COQ8B: variants seen among roughly 807,000 people sequenced by gnomAD.
The protein encoded by COQ8B is atypical kinase COQ8B, mitochondrial.
A neutral mutation model predicts 62.0 loss-of-function variants in COQ8B; 44 were observed. The observed-to-expected ratio is 0.71, with a 90% confidence interval of 0.56 to 0.91. The LOEUF (loss-of-function observed/expected upper bound fraction) is 0.91. Among genes scored for constraint, COQ8B ranks in the 40% least tolerant of loss-of-function variants. COQ8B has a pLI of 0.00. For synonymous variants in COQ8B, 252 were observed against 289.9 expected (o/e 0.87, Z 1.33); for missense variants, 649 against 731.6 (o/e 0.89, Z 1.30).
chr19:40,713,397 A>G (rs1441909414), intron 4 of COQ8B, among the ~76,000 whole-genome samples: 1 of 151,946 alleles, frequency 6.6e-6, no homozygotes, highest in Admixed American at 6.6e-5. Context: ...AAATACAAAA[A>G]TTAGCCGGGT....
chr19:40,702,477 G>C, intron 10 of COQ8B, 123 bp downstream of exon 10: 1 of 901,744 alleles, frequency 1.1e-6, no homozygotes. Flanking sequence ...GATGAACAAT[G>C]ATTGAAAGAA....
At chr19:40,703,912 G>A (rs2082081197) in intron 7 of COQ8B, 57 bp from the exon 8 acceptor site, 4 of 1,546,808 alleles carry the variant, frequency 2.6e-6, no homozygotes, top group Non-Finnish European at 3.5e-6. Context: ...CCCAGGCTGA[G>A]TGCTTTACGT....
At chr19:40,695,847 G>T in intron 13 of COQ8B, 142 bp downstream of exon 13, 2 of 821,792 alleles carry the variant, frequency 2.4e-6, no homozygotes, top group East Asian at 2.5e-5. Context: ...TAAGTGCTTG[G>T]TGTGTGCTAG....
chr19:40,703,740 C>G lies in COQ8B; in HGVS notation c.692G>C (p.Gly231Ala). Reference sequence around the variant, plus strand: ...CTGGATCTTCACGGCCACCTCCGTCCCGTCCCTCAGCAGGCCCTGGTGCAC... The same window carrying G: ...CTGGATCTTCACGGCCACCTCCGTCGCGTCCCTCAGCAGGCCCTGGTGCAC... ...GQVHQGLLRDGTEVAVKIQYP... is the reference protein window; with the variant it reads ...GQVHQGLLRDATEVAVKIQYP... The change falls in exon 8 of 15, where the codon GGG becomes GCG. Residue 231 changes from glycine to alanine, a missense_variant. Gly to Ala is a moderately conservative substitution (Grantham distance 60). Coordinates refer to ENST00000324464, the MANE Select transcript of COQ8B (RefSeq NM_024876.4). 6.2e-7 allele frequency: 1 copy of G among 1,614,150 alleles called. No individual in the cohort carries two copies. Among genetic ancestry groups the G allele is most frequent in the South Asian group, 1.1e-5 (1 of 91,084 alleles).
At chr19:40,702,478 A>T (rs2082067593) in intron 10 of COQ8B, 122 bp downstream of exon 10, 1 of 907,122 alleles carries the variant, frequency 1.1e-6, no homozygotes. Context: ...ATGAACAATG[A>T]TTGAAAGAAA....
chr19:40,707,610 C>T (rs2144706791), intron 5 of COQ8B, among the ~76,000 whole-genome samples: 1 of 152,278 alleles, frequency 6.6e-6, no homozygotes, highest in African/African-American at 2.4e-5. Context: ...CCCACCACCA[C>T]ATCCAGCTAA....
At chr19:40,696,894 G>A (rs1049688531) in intron 12 of COQ8B, among the ~76,000 whole-genome samples, 9 of 152,106 alleles carry the variant, frequency 5.9e-5, no homozygotes, top group African/African-American at 9.7e-5. Context: ...ATTTACTGTC[G>A]TTCTCCTGCA....
chr19:40,705,017 C>CA (rs2082089132), intron 7 of COQ8B, 79 bp downstream of exon 7: 1 of 1,332,956 alleles, frequency 7.5e-7, no homozygotes, highest in Admixed American at 2.2e-5. Context: ...GGGAGTGGGG[C>CA]AGTGAAGCCA....
Position 40,705,322 on chromosome 19 carries a change from T to C in COQ8B, c.490+3A>G, listed in dbSNP as rs1342226393. 6.3e-7 allele frequency: 1 copy of C among 1,590,224 alleles called. No homozygotes were observed. The highest frequency in any genetic ancestry group is 2.3e-5 in the East Asian group (1 of 44,330). The stretch of plus-strand genomic sequence containing the variant: ...GGGTCAGGAGTCGAGGGTCATGCTG[T>C]ACCCTGGATGCTGAGCATCTGGCCA... On this transcript the variant is annotated splice_donor_region_variant and intron_variant, in intron 6 of 14. Coordinates refer to ENST00000324464, the MANE Select transcript of COQ8B (RefSeq NM_024876.4).
At chr19:40,704,043 G>T in intron 7 of COQ8B, 188 bp from the exon 8 acceptor site, 2 of 687,232 alleles carry the variant, frequency 2.9e-6, no homozygotes, top group Non-Finnish European at 4.7e-6. Context: ...GACTAGCCAG[G>T]CACTGGCAGA....
rs1421364985 is a variant in COQ8B, at chr19:40,700,178, G to A, written c.1036-4C>T. 1.2e-6 allele frequency: 2 copies of A among 1,614,212 alleles called. No individual in the cohort carries two copies. ...GCGTCAGGAGCTGGAAGCAAATCTGGGGTGGGGAGAATTAACAGGCATCTC... is the reference window on the plus strand; with the variant it reads ...GCGTCAGGAGCTGGAAGCAAATCTGAGGTGGGGAGAATTAACAGGCATCTC... On this transcript the variant is annotated splice_polypyrimidine_tract_variant and splice_region_variant and intron_variant, in intron 11 of 14. Transcript: ENST00000324464.
chr19:40,713,946 G>A, intron 4 of COQ8B, 121 bp downstream of exon 4: 2 of 1,089,452 alleles, frequency 1.8e-6, no homozygotes, highest in Middle Eastern at 2.1e-4. Flanking sequence ...CCTTGCCTTT[G>A]TCTCTCTTTT....
At chr19:40,714,494 C>T in intron 2 of COQ8B, 37 bp downstream of exon 2, 3 of 1,613,818 alleles carry the variant, frequency 1.9e-6, no homozygotes, top group Non-Finnish European at 2.5e-6. Context: ...TCTCCCTCAG[C>T]CTCTTCCCCT....
rs975735231 is a variant in COQ8B, at chr19:40,714,616, C to T, written c.17G>A (p.Gly6Glu). The part of the protein sequence containing the change: MWLKV[G>E]GLLRGTGGQL... ...TCCACCGGTCCCCCGAAGTAGGCCCCCCACCTTCAGCCACATTGCCTGGAG... is the reference window on the plus strand; with the variant it reads ...TCCACCGGTCCCCCGAAGTAGGCCCTCCACCTTCAGCCACATTGCCTGGAG... The change falls in exon 2 of 15, where the codon GGG (glycine) becomes GAG (glutamate). Residue 6 changes from glycine (G) to glutamate (E), a missense_variant. Gly to Glu is a moderately conservative substitution (Grantham distance 98). Transcript: ENST00000324464. The T allele has an allele frequency of 1.2e-6, 2 of 1,609,344 alleles. No individual in the cohort carries two copies. Among genetic ancestry groups the T allele is most frequent in the Admixed American group, 3.4e-5 (2 of 58,972 alleles).
intron 1 of COQ8B, among the ~76,000 whole-genome samples, chr19:40,716,121 G>A (rs1416833558): frequency 1.3e-5 from 2 of 152,028 alleles, no homozygotes; most frequent in Non-Finnish European, 2.9e-5. Flanking sequence ...TTCCCAACCT[G>A]TATGAGGTAC....
intron 5 of COQ8B, among the ~76,000 whole-genome samples, chr19:40,708,463 G>A (rs1239262431): frequency 6.6e-6 from 1 of 152,184 alleles, no homozygotes; most frequent in Non-Finnish European, 1.5e-5. Context: ...ATCACACCTG[G>A]AAGTAAGAAT....
At chr19:40,695,781 C>G (rs1215081588) in intron 13 of COQ8B, among the ~76,000 whole-genome samples, 3 of 152,172 alleles carry the variant, frequency 2.0e-5, no homozygotes, top group Non-Finnish European at 4.4e-5. Flanking sequence ...CATTGTGTTG[C>G]TGTGTGGTTT....
At position 40,703,737 on chromosome 19, in the gene COQ8B, G is replaced by T. The variant is rs370082401; in HGVS notation, c.695C>A (p.Thr232Lys). The T allele has an allele frequency of 5.0e-6, 8 of 1,613,912 alleles. No homozygotes were observed. The highest frequency in any genetic ancestry group is 5.1e-6 in the Non-Finnish European group (6 of 1,180,002). Residue 232 changes from threonine to lysine, a missense_variant, in exon 8 of 15, where the codon ACG becomes AAG. Transcript: ENST00000324464. ...QVHQGLLRDG[T>K]EVAVKIQYPG... ...CACCTGGATCTTCACGGCCACCTCC[G>T]TCCCGTCCCTCAGCAGGCCCTGGTG... is the stretch of plus-strand genomic sequence containing the variant.
In COQ8B at chr19:40,700,434, T is replaced by A; in HGVS notation, c.911A>T (p.Asp304Val). The A allele has an allele frequency of 6.2e-7, 1 of 1,613,300 alleles. No individual in the cohort carries two copies. Among genetic ancestry groups the A allele is most frequent in the Non-Finnish European group, 8.5e-7 (1 of 1,179,814 alleles). ...CACGGCTGGGACCCGGAAGAAGGGG[T>A]CATTTGCCAGCAGCTGCCTGGGGCA... is the stretch of plus-strand genomic sequence containing the variant. Reference protein sequence around the residue: ...AQNFRQLLANDPFFRVPAVVK... With the variant: ...AQNFRQLLANVPFFRVPAVVK... The change falls in exon 11 of 15, where the codon GAC becomes GTC. Residue 304 changes from aspartate (D) to valine (V), a missense_variant. Physicochemically the swap from Asp to Val is radical, Grantham distance 152 (BLOSUM62 -3). Coordinates refer to ENST00000324464, the MANE Select transcript of COQ8B (RefSeq NM_024876.4).
Sources: allele counts gnomAD v4.1 joint callset (sites outside exome capture counted in the v4.1 genomes callset), GRCh38; gene constraint gnomAD v4.1.1; transcripts MANE v1.5; gene names NCBI Gene and HGNC (gene_info 2026-07-23, HGNC 2026-07-21).